PTPRD: variants seen among roughly 807,000 people sequenced by gnomAD.
PTPRD encodes the protein protein tyrosine phosphatase receptor type D.
Under a neutral mutation model 214.5 loss-of-function variants are expected in PTPRD, and 34 were observed. That is an observed-to-expected ratio of 0.16 (90% CI 0.12 to 0.21). The LOEUF (loss-of-function observed/expected upper bound fraction) is 0.21. Ranked by LOEUF, PTPRD falls within the 10% of genes least tolerant of loss-of-function variation. The pLI is 1.00. For synonymous variants in PTPRD, 1,128 were observed against 845.7 expected (o/e 1.33, Z -5.79); for missense variants, 2,545 against 2,398.7 (o/e 1.06, Z -1.27).
At chr9:8,373,126 T>C (rs2082049518) in intron 39 of PTPRD, among the ~76,000 whole-genome samples, 1 of 152,040 alleles carries the variant, frequency 6.6e-6, no homozygotes, top group South Asian at 2.1e-4. Flanking sequence ...ATAGTTTCTT[T>C]CTGCTCAGAA....
chr9:8,682,957 C>T (rs1202437018), intron 12 of PTPRD, among the ~76,000 whole-genome samples: 1 of 152,098 alleles, frequency 6.6e-6, no homozygotes, highest in Non-Finnish European at 1.5e-5. Flanking sequence ...CTATGACTTG[C>T]AGGTTTCCCA....
At chr9:9,019,325 A>AAAGAAAGAAAGAAAGG (rs1569429511) in intron 10 of PTPRD, among the ~76,000 whole-genome samples, 14 of 63,496 alleles carry the variant, frequency 2.2e-4, no homozygotes, top group Admixed American at 4.6e-4. Context: ...AGAAAGAAAG[A>AAAGAAAGAAAGAAAGG]AAGAAAGAAA....
intron 2 of PTPRD, among the ~76,000 whole-genome samples, chr9:10,590,235 G>C (rs770999958): frequency 5.9e-5 from 9 of 151,916 alleles, no homozygotes; most frequent in Non-Finnish European, 1.0e-4. Context: ...ACTAATAACA[G>C]GTAGTAGTTG....
intron 35 of PTPRD, among the ~76,000 whole-genome samples, chr9:8,434,675 C>T (rs10977095): frequency 0.087 from 13,164 of 152,092 alleles, 1,175 homozygotes; most frequent in African/African-American, 0.23. Flanking sequence ...AAAAATATCA[C>T]ATGGCAAAAT....
At chr9:8,481,649 T>C (rs1291986597) in intron 30 of PTPRD, among the ~76,000 whole-genome samples, 1 of 152,180 alleles carries the variant, frequency 6.6e-6, no homozygotes, top group Non-Finnish European at 1.5e-5. Flanking sequence ...GGCTCTCTTC[T>C]TCCTATTAAC....
At chr9:8,829,958 C>G (rs1033545465) in intron 11 of PTPRD, among the ~76,000 whole-genome samples, 2 of 152,134 alleles carry the variant, frequency 1.3e-5, no homozygotes, top group Non-Finnish European at 2.9e-5. Flanking sequence ...TATAATGTAG[C>G]TGAGACAACA....
At chr9:10,340,328 C>G (rs2154443353) in intron 3 of PTPRD, among the ~76,000 whole-genome samples, 1 of 152,018 alleles carries the variant, frequency 6.6e-6, no homozygotes, top group East Asian at 1.9e-4. Flanking sequence ...CCAATCTTTA[C>G]AGCATATACA....
chr9:9,294,131 A>G (rs140304177), intron 9 of PTPRD, among the ~76,000 whole-genome samples: 10 of 151,768 alleles, frequency 6.6e-5, no homozygotes, highest in African/African-American at 2.4e-4. Flanking sequence ...TGGAGGATTC[A>G]CATCCTGGGA....
intron 9 of PTPRD, among the ~76,000 whole-genome samples, chr9:9,189,834 C>T (rs1247151588): frequency 6.6e-6 from 1 of 151,962 alleles, no homozygotes; most frequent in Non-Finnish European, 1.5e-5. Flanking sequence ...CTGGGCTGTT[C>T]ATTGATATTT....
intron 7 of PTPRD, among the ~76,000 whole-genome samples, chr9:9,606,111 C>T (rs963890650): frequency 6.6e-6 from 1 of 151,962 alleles, no homozygotes; most frequent in Non-Finnish European, 1.5e-5. Flanking sequence ...ATTTAAATGG[C>T]ATATAAATCT....
chr9:9,888,858 T>C (rs554049191), intron 5 of PTPRD, among the ~76,000 whole-genome samples: 3 of 152,128 alleles, frequency 2.0e-5, no homozygotes, highest in African/African-American at 4.8e-5. Flanking sequence ...CCTGATTTCA[T>C]TGAGCCAGCA....
chr9:9,451,405 G>A (rs929502429), intron 8 of PTPRD, among the ~76,000 whole-genome samples: 6 of 151,744 alleles, frequency 4.0e-5, no homozygotes, highest in Non-Finnish European at 7.4e-5. Context: ...AAGAATTCAT[G>A]CAATTTTGCA....
At chr9:10,470,377 A>G (rs2099022533) in intron 2 of PTPRD, among the ~76,000 whole-genome samples, 1 of 152,196 alleles carries the variant, frequency 6.6e-6, no homozygotes, top group South Asian at 2.1e-4. Context: ...TAAAGTAGAT[A>G]AAATTATCAT....
intron 36 of PTPRD, among the ~76,000 whole-genome samples, chr9:8,390,746 CAAG>C (rs1256354322): frequency 6.6e-6 from 1 of 152,042 alleles, no homozygotes; most frequent in Non-Finnish European, 1.5e-5. Flanking sequence ...GAGCTTCTTC[CAAG>C]AAGAGGAGCC....
chr9:8,981,925 G>T (rs1000949217), intron 11 of PTPRD, among the ~76,000 whole-genome samples: 1 of 151,964 alleles, frequency 6.6e-6, no homozygotes, highest in Non-Finnish European at 1.5e-5. Flanking sequence ...CTTTTCTGTT[G>T]ATTTTCCACT....
chr9:9,178,398 T>C lies in PTPRD; in HGVS notation c.-143+4906A>G, dbSNP rs145493647. ...TTCCTTTTTTCTTTCCTTCTTTCTA[T>C]CAAAGGGTGATGTGGTTTTAAACAC... On this transcript the variant is annotated intron_variant, in intron 10 of 45. Transcript: ENST00000381196. Among the ~76,000 whole-genome samples, 3 of 152,042 alleles carry C rather than the reference T, an allele frequency of 2.0e-5. No individual in the cohort carries two copies. In the East Asian group the frequency reaches 5.8e-4, roughly 29 times the overall value.
Position 9,648,868 on chromosome 9 carries a change from T to C in PTPRD, c.-286-74087A>G, listed in dbSNP as rs543425299. Among the ~76,000 whole-genome samples, 4 of 152,130 alleles carry C rather than the reference T, an allele frequency of 2.6e-5. No individual in the cohort carries two copies. The South Asian group carries it at 8.3e-4, about 32-fold the overall frequency. ...GTAGATGGGAAACAGAAAAATGAAA[T>C]CCCTCAGGGAAGTATTAGCTAAGAT... On this transcript the variant is annotated intron_variant, in intron 7 of 45. Coordinates refer to ENST00000381196, the MANE Select transcript of PTPRD (RefSeq NM_002839.4).
At chr9:9,588,449 G>A (rs562066757) in intron 7 of PTPRD, among the ~76,000 whole-genome samples, 8 of 151,990 alleles carry the variant, frequency 5.3e-5, no homozygotes, top group African/African-American at 1.7e-4. Context: ...AGGCAAGGGG[G>A]TAATGAAAGT....
chr9:10,198,814 T>C (rs2099408080), intron 3 of PTPRD, among the ~76,000 whole-genome samples: 1 of 152,124 alleles, frequency 6.6e-6, no homozygotes, highest in Non-Finnish European at 1.5e-5. Flanking sequence ...AAAATTGGCT[T>C]AAATATTACC....
Sources: allele counts gnomAD v4.1 joint callset (sites outside exome capture counted in the v4.1 genomes callset), GRCh38; gene constraint gnomAD v4.1.1; transcripts MANE v1.5; gene names NCBI Gene and HGNC (gene_info 2026-07-23, HGNC 2026-07-21).